SDHA: variants seen among roughly 807,000 people sequenced by gnomAD.
SDHA encodes succinate dehydrogenase [ubiquinone] flavoprotein subunit, mitochondrial.
In SDHA, 48 loss-of-function variants were observed where a neutral mutation model predicts 78.4. The observed-to-expected ratio is 0.61, with a 90% CI of 0.49 to 0.78. The LOEUF is 0.78. SDHA is among the 30% of genes least tolerant of loss of function. The probability of loss-of-function intolerance (pLI) is 0.00; values close to 1 mark genes in which losing one functional copy is unlikely to be tolerated. For synonymous variants in SDHA, 326 were observed against 353.9 expected (o/e 0.92, Z 0.88); for missense variants, 680 against 892.7 (o/e 0.76, Z 3.04).
At chr5:251,178 G>C (rs1172844746) in intron 12 of SDHA, 75 bp downstream of exon 12, 4 of 1,554,818 alleles carry the variant, frequency 2.6e-6, no homozygotes, top group Non-Finnish European at 3.5e-6. Flanking sequence ...TGTCCCGTCA[G>C]TGCTGACTTA....
At chr5:267,550 G>A in the SDHA span, among the ~76,000 whole-genome samples, 4 of 152,214 alleles carry the variant, frequency 2.6e-5, no homozygotes, top group African/African-American at 9.7e-5. Flanking sequence ...GACATCAGAT[G>A]CATAAGAGGG....
At chr5:243,628 C>G (rs756166509) in intron 11 of SDHA, among the ~76,000 whole-genome samples, 6 of 152,156 alleles carry the variant, frequency 3.9e-5, no homozygotes, top group Non-Finnish European at 7.3e-5. Context: ...ACCAAAAGAA[C>G]CGTACGCTGA....
chr5:235,937 G>A (rs1735745535), intron 9 of SDHA: 3 of 239,412 alleles, frequency 1.3e-5, no homozygotes. Context: ...AGGGGCAGAG[G>A]GGAAACTGGG....
the SDHA span, among the ~76,000 whole-genome samples, chr5:265,836 G>A: frequency 7.2e-6 from 1 of 139,358 alleles, no homozygotes; most frequent in East Asian, 1.9e-4. Flanking sequence ...AAAAAAAAGA[G>A]TTGTCAAATT....
At chr5:235,046 A>G (rs1450667110) in intron 8 of SDHA, 98 bp from the exon 9 acceptor site, 2 of 1,257,036 alleles carry the variant, frequency 1.6e-6, no homozygotes, top group Non-Finnish European at 2.3e-6. Context: ...CCTCAGTATC[A>G]AAACATGTTG....
chr5:225,609 C>A (rs1303657923), intron 4 of SDHA, 47 bp downstream of exon 4: 1 of 1,612,918 alleles, frequency 6.2e-7, no homozygotes, highest in Admixed American at 1.7e-5. Flanking sequence ...GTTTCTAGTA[C>A]AAAAGAATCC....
rs1737227496 is a variant in SDHA at position 256,759 on chromosome 5, A to G, written c.*339A>G. 3.0e-6 allele frequency: 1 copy of G among 334,904 alleles called. No homozygotes were observed. The highest frequency in any genetic ancestry group is 5.6e-6 in the Non-Finnish European group (1 of 180,136). 20.7% of individuals were successfully genotyped at this position (334,904 alleles called of 1,614,324 possible). On this transcript the variant is annotated 3_prime_UTR_variant, in exon 15 of 15. Transcript: ENST00000264932. ...TCATATTTGTTGACCTAAAAATCAA[A>G]TGTAATCTTTGTATTGTGTTACATC...
intron 6 of SDHA, among the ~76,000 whole-genome samples, chr5:228,541 G>A (rs1283629369): frequency 2.0e-5 from 3 of 152,170 alleles, no homozygotes; most frequent in African/African-American, 7.2e-5. Context: ...GGGTGAGAAA[G>A]CATGGTCCTC....
At chr5:258,114 G>A (rs1288035324), downstream of SDHA, among the ~76,000 whole-genome samples, 1 of 48,530 alleles carries the variant, frequency 2.1e-5, no homozygotes, top group African/African-American at 2.0e-4. Flanking sequence ...TCCGCCTCCC[G>A]ACAGCATTAC....
chr5:265,698 T>G, the SDHA span, among the ~76,000 whole-genome samples: 6 of 152,060 alleles, frequency 3.9e-5, no homozygotes, highest in Admixed American at 3.9e-4. Context: ...TGGGTGCATG[T>G]AATCCCAGTT....
At chr5:243,080 C>T (rs1387708750) in intron 11 of SDHA, among the ~76,000 whole-genome samples, 2 of 152,108 alleles carry the variant, frequency 1.3e-5, no homozygotes, top group African/African-American at 2.4e-5. Flanking sequence ...GCACCTTGAG[C>T]GACCCCTCTC....
chr5:241,528 C>T (rs544384579), intron 11 of SDHA, among the ~76,000 whole-genome samples: 2 of 152,246 alleles, frequency 1.3e-5, no homozygotes, highest in Non-Finnish European at 2.9e-5. Flanking sequence ...GGAAATGTTC[C>T]GAGTGTTTGC....
In SDHA at chr5:256,496, A is replaced by T. The variant is rs531819089; in HGVS notation, c.*76A>T. On this transcript the variant is annotated 3_prime_UTR_variant, in exon 15 of 15. Transcript: ENST00000264932. ...AGCTCATGCATGTGTCCATGTCATA[A>T]CTGTCTTCATACGCTTCTGCACTCT... 9 of 1,292,742 alleles carry T rather than the reference A, an allele frequency of 7.0e-6. No homozygotes were observed. The East Asian group carries it at 2.1e-4, about 30-fold the overall frequency. The allele number at this position is 1,292,742 out of a possible 1,614,324, so 80.1% of individuals were successfully genotyped here.
At chr5:231,424 A>G (rs1735389134) in intron 7 of SDHA, among the ~76,000 whole-genome samples, 1 of 152,008 alleles carries the variant, frequency 6.6e-6, no homozygotes, top group Admixed American at 6.6e-5. Context: ...GCTGGGCGTG[A>G]TGGCGTGTAC....
intron 10 of SDHA, among the ~76,000 whole-genome samples, chr5:237,491 T>C (rs1735854918): frequency 7.5e-6 from 1 of 133,178 alleles, no homozygotes; most frequent in African/African-American, 3.7e-5. Context: ...GAGTCTTACG[T>C]GCACTAAGAA....
In SDHA at chr5:228,278, A is replaced by G. The variant is rs760106352; in HGVS notation, c.715A>G (p.Ile239Val). 2.5e-6 allele frequency: 4 copies of G among 1,613,948 alleles called. No individual in the cohort carries two copies. The highest frequency in any genetic ancestry group is 1.7e-4 in the Middle Eastern group (1 of 6,056). Residue 239 changes from isoleucine to valine, a missense_variant, in exon 6 of 15, where the codon ATA (isoleucine) becomes GTA (valine). Coordinates refer to ENST00000264932, the MANE Select transcript of SDHA (RefSeq NM_004168.4). The part of the protein sequence containing the change: ...GECRGVIALC[I>V]EDGSIHRIRA... ...GTGCCGTGGTGTCATCGCACTGTGC[A>G]TAGAGGACGGGTCCATCCATCGCAT...
chr5:224,794 C>T, intron 3 of SDHA: 2 of 503,726 alleles, frequency 4.0e-6, no homozygotes, highest in Middle Eastern at 5.6e-4. Flanking sequence ...CCACCTACCC[C>T]CGCCACCCCA....
chr5:264,584 C>T, the SDHA span, among the ~76,000 whole-genome samples: 14,521 of 152,242 alleles, frequency 0.095, 989 homozygotes, highest in Non-Finnish European at 0.13. Flanking sequence ...GGCAGCATCC[C>T]GGGTGCTGGT....
intron 14 of SDHA, 81 bp from the exon 15 acceptor site, chr5:256,253 T>G: frequency 9.8e-7 from 1 of 1,019,124 alleles, no homozygotes; most frequent in East Asian, 2.4e-5. Flanking sequence ...ACTTTTATAG[T>G]TAAAATTTTT....
Sources: gnomAD v4.1 joint callset for allele counts (sites outside exome capture counted in the v4.1 genomes callset) on GRCh38, gnomAD v4.1.1 for gene constraint, MANE v1.5 for transcripts, NCBI Gene and HGNC (gene_info 2026-07-23, HGNC 2026-07-21) for gene names.